Variants in COX10 observed in about 807,000 individuals in gnomAD.
COX10 encodes cytochrome c oxidase assembly factor heme A:farnesyltransferase COX10, also known as protoheme IX farnesyltransferase, mitochondrial.
In COX10, 27 loss-of-function variants were observed where a neutral mutation model predicts 37.3. The ratio of observed to expected loss-of-function variants is 0.72; its 90% confidence interval spans 0.53 to 1.00. The LOEUF (loss-of-function observed/expected upper bound fraction) is 1.00. COX10 is among the 50% of genes least tolerant of loss of function. The probability of loss-of-function intolerance (pLI) is 0.00; values close to 1 mark genes in which losing one functional copy is unlikely to be tolerated. For missense variants in COX10, 475 were observed against 563.2 expected (o/e 0.84, Z 1.59); for synonymous variants, 222 against 229.1 (o/e 0.97, Z 0.28).
At position 14,192,148 on chromosome 17, in the gene COX10, A is replaced by G; in HGVS notation, c.855A>G (p.Thr285=). 1.9e-6 allele frequency: 3 copies of G among 1,614,256 alleles called. No homozygotes were observed. Among genetic ancestry groups the G allele is most frequent in the East Asian group, 2.2e-5 (1 of 44,878 alleles). The change falls in exon 6 of 7, where the codon ACA becomes ACG. Residue 285 remains threonine (T), a synonymous_variant. Coordinates refer to ENST00000261643, the MANE Select transcript of COX10 (RefSeq NM_001303.4). ...TPLKRISIAN[T]WVGAVVGAIP... The stretch of plus-strand genomic sequence containing the variant: ...TGAAAAGGATCAGCATTGCCAACAC[A>G]TGGGTCGGAGCTGTGGTTGGGGCCA...
At chr17:14,075,808 G>C (rs970790252) in intron 2 of COX10, among the ~76,000 whole-genome samples, 1 of 151,632 alleles carries the variant, frequency 6.6e-6, no homozygotes, top group Non-Finnish European at 1.5e-5. Flanking sequence ...GGCTAACACG[G>C]TGAAACCCTG....
At chr17:14,186,987 T>G (rs546072559) in intron 5 of COX10, among the ~76,000 whole-genome samples, 16 of 31,526 alleles carry the variant, frequency 5.1e-4, no homozygotes, top group Non-Finnish European at 1.0e-3. Flanking sequence ...ATTTTAAGGT[T>G]TTTTTTTTTT....
chr17:14,204,788 G>T (rs1250271200), intron 6 of COX10, among the ~76,000 whole-genome samples: 1 of 152,118 alleles, frequency 6.6e-6, no homozygotes, highest in Non-Finnish European at 1.5e-5. Flanking sequence ...ATCCTCTGTG[G>T]CTTTCTGTTG....
At chr17:14,181,545 C>T (rs2856153) in intron 5 of COX10, among the ~76,000 whole-genome samples, 107,040 of 151,074 alleles carry the variant, frequency 0.71, 39,294 homozygotes, top group Non-Finnish European at 0.81. Flanking sequence ...TTTATTTAAG[C>T]TTTTCAAAGA....
chr17:14,135,985 A>G (rs1044412773), intron 4 of COX10, among the ~76,000 whole-genome samples: 1 of 152,020 alleles, frequency 6.6e-6, no homozygotes, highest in African/African-American at 2.4e-5. Context: ...AATAATGACA[A>G]AAGAAATTAA....
At chr17:14,106,867 C>T (rs1377894173) in intron 4 of COX10, among the ~76,000 whole-genome samples, 1 of 152,100 alleles carries the variant, frequency 6.6e-6, no homozygotes, top group Non-Finnish European at 1.5e-5. Flanking sequence ...ATATAGTTTG[C>T]ATTGACTTAT....
At chr17:14,108,189 A>G (rs773981481) in intron 4 of COX10, among the ~76,000 whole-genome samples, 1 of 152,144 alleles carries the variant, frequency 6.6e-6, no homozygotes, top group African/African-American at 2.4e-5. Context: ...AGGAATATGT[A>G]TGAGGGAGGG....
chr17:14,072,520 T>C (rs1249732755), intron 1 of COX10, among the ~76,000 whole-genome samples: 3 of 152,134 alleles, frequency 2.0e-5, no homozygotes, highest in Non-Finnish European at 4.4e-5. Context: ...CATGCCTGTC[T>C]AGTTTTTTGT....
At chr17:14,134,768 C>G (rs528113982) in intron 4 of COX10, among the ~76,000 whole-genome samples, 1 of 150,680 alleles carries the variant, frequency 6.6e-6, no homozygotes, top group African/African-American at 2.4e-5. Context: ...AAATTAATTG[C>G]CCTCGGTGTT....
intron 3 of COX10, among the ~76,000 whole-genome samples, chr17:14,089,551 T>G (rs1056763555): frequency 6.6e-6 from 1 of 152,170 alleles, no homozygotes; most frequent in East Asian, 1.9e-4. Context: ...GCAAACCAGG[T>G]GGCAAAGCTG....
chr17:14,124,380 G>A (rs1025226061), intron 4 of COX10, among the ~76,000 whole-genome samples: 11 of 152,122 alleles, frequency 7.2e-5, no homozygotes, highest in African/African-American at 2.7e-4. Context: ...ATATTACACA[G>A]TAAGTTTTTT....
intron 4 of COX10, among the ~76,000 whole-genome samples, chr17:14,108,263 A>G (rs777328131): frequency 6.6e-6 from 1 of 152,182 alleles, no homozygotes; most frequent in Non-Finnish European, 1.5e-5. Flanking sequence ...CTATATGCCA[A>G]AGAATGTTCT....
chr17:14,201,570 A>G (rs1038546561), intron 6 of COX10, among the ~76,000 whole-genome samples: 1 of 152,248 alleles, frequency 6.6e-6, no homozygotes, highest in African/African-American at 2.4e-5. Flanking sequence ...CACACAAAAA[A>G]GGAGGGCTTT....
intron 3 of COX10, among the ~76,000 whole-genome samples, chr17:14,087,973 C>T (rs1411530381): frequency 2.0e-5 from 3 of 152,062 alleles, no homozygotes; most frequent in Non-Finnish European, 4.4e-5. Context: ...TTGGCACGAC[C>T]CTCTACCCCT....
Position 14,085,352 on chromosome 17 carries a change from T to A in COX10, c.499+8296T>A, listed in dbSNP as rs144586645. Reference sequence around the variant, plus strand: ...TTTGCTTTCTTCCCTAATTGGTATATCTTCCTCATACTTCCTCATCAATAC... The same window carrying A: ...TTTGCTTTCTTCCCTAATTGGTATAACTTCCTCATACTTCCTCATCAATAC... On this transcript the variant is annotated intron_variant, in intron 3 of 6. Transcript: ENST00000261643. 2.9e-4 allele frequency among the ~76,000 whole-genome samples: 44 copies of A among 152,358 alleles called. No individual in the cohort carries two copies. In the East Asian group the frequency reaches 7.7e-3, roughly 27 times the overall value.
intron 4 of COX10, among the ~76,000 whole-genome samples, chr17:14,123,039 A>T (rs1916262222): frequency 6.6e-6 from 1 of 152,182 alleles, no homozygotes; most frequent in Non-Finnish European, 1.5e-5. Context: ...TGACAATGAT[A>T]GTATAATGCC....
chr17:14,163,057 A>G (rs1905200184), intron 5 of COX10, among the ~76,000 whole-genome samples: 1 of 152,144 alleles, frequency 6.6e-6, no homozygotes, highest in African/African-American at 2.4e-5. Flanking sequence ...GAAGAAGCCA[A>G]TAAAGTTACT....
intron 5 of COX10, among the ~76,000 whole-genome samples, chr17:14,189,293 T>C (rs1230240068): frequency 6.6e-6 from 1 of 152,204 alleles, no homozygotes; most frequent in Non-Finnish European, 1.5e-5. Context: ...TTTCTACTGT[T>C]AACCATTGGT....
At chr17:14,107,223 AT>A (rs149471100) in intron 4 of COX10, among the ~76,000 whole-genome samples, 3 of 149,678 alleles carry the variant, frequency 2.0e-5, no homozygotes, top group Non-Finnish European at 3.0e-5. Context: ...TTCTACTTTC[AT>A]TTTTTTTTTC....
Sources: gnomAD v4.1 joint callset for allele counts (sites outside exome capture counted in the v4.1 genomes callset) on GRCh38, gnomAD v4.1.1 for gene constraint, MANE v1.5 for transcripts, NCBI Gene and HGNC (gene_info 2026-07-23, HGNC 2026-07-21) for gene names.